PCDH15: variants seen among roughly 807,000 people sequenced by gnomAD.
The protein encoded by PCDH15 is protocadherin related 15, also known as protocadherin-15.
PCDH15 carries 129 observed loss-of-function variants against 178.5 expected under a neutral mutation model. That is an observed-to-expected ratio of 0.72 (90% confidence interval 0.63 to 0.84). PCDH15 has a LOEUF of 0.84. PCDH15 is among the 40% of genes least tolerant of loss of function. The probability of loss-of-function intolerance (pLI) is 0.00; values close to 1 mark genes in which losing one functional copy is unlikely to be tolerated. For synonymous variants in PCDH15, 800 were observed against 732.0 expected (o/e 1.09, Z -1.50); for missense variants, 2,230 against 2,099.9 (o/e 1.06, Z -1.21).
intron 26 of PCDH15, among the ~76,000 whole-genome samples, chr10:53,890,163 C>T (rs1049538008): frequency 5.3e-5 from 8 of 152,356 alleles, no homozygotes; most frequent in African/African-American, 1.9e-4. Flanking sequence ...CACAGTGGCT[C>T]ATGCCTGTAA....
In PCDH15 at chr10:55,040,830, T is replaced by A. The variant is rs990383664; in HGVS notation, c.-80+125746A>T. ...AATTTCTCTATCTAGTTCTATTTTA[T>A]GACTTTTTTCTCATTTCCCTTTCTA... On this transcript the variant is annotated intron_variant, in intron 2 of 5. Transcript: ENST00000458638. 2.0e-5 allele frequency among the ~76,000 whole-genome samples: 3 copies of A among 150,592 alleles called. 1 individual carries two copies.
rs552193259 is a variant in PCDH15 at position 55,291,328 on chromosome 10, T to C, written c.-156+28271A>G. Among the ~76,000 whole-genome samples, 14 of 152,338 alleles carry C rather than the reference T, an allele frequency of 9.2e-5. No homozygotes were observed. In the South Asian group the frequency reaches 1.0e-3, roughly 11 times the overall value. ...CTGGTTTCTCTGCTTTAGAAACACC[T>C]GAATATATGATTGAAGCAAAGGACA... is the stretch of plus-strand genomic sequence containing the variant. On this transcript the variant is annotated intron_variant, in intron 1 of 5. Transcript: ENST00000458638.
intron 3 of PCDH15, among the ~76,000 whole-genome samples, chr10:54,834,194 CT>C (rs1318880018): frequency 5.8e-3 from 831 of 143,628 alleles, no homozygotes; most frequent in African/African-American, 7.7e-3. Flanking sequence ...TTTTTACTAC[CT>C]TTTTTTTTTT....
intron 1 of PCDH15, among the ~76,000 whole-genome samples, chr10:54,729,205 C>T (rs986869603): frequency 6.6e-6 from 1 of 151,638 alleles, no homozygotes; most frequent in Non-Finnish European, 1.5e-5. Context: ...CAGCATGATA[C>T]TGGTACAAAA....
At chr10:54,399,930 A>G (rs1380010520) in intron 3 of PCDH15, among the ~76,000 whole-genome samples, 1 of 152,080 alleles carries the variant, frequency 6.6e-6, no homozygotes, top group Non-Finnish European at 1.5e-5. Context: ...ACAGCAATGC[A>G]CCCTTTCTTT....
chr10:55,281,310 T>C (rs984066594), intron 1 of PCDH15, among the ~76,000 whole-genome samples: 1 of 152,150 alleles, frequency 6.6e-6, no homozygotes, highest in African/African-American at 2.4e-5. Context: ...ATTGCCTCCT[T>C]CATCATTTCA....
At chr10:54,615,653 TGA>T (rs747995069) in intron 2 of PCDH15, among the ~76,000 whole-genome samples, 27 of 151,584 alleles carry the variant, frequency 1.8e-4, no homozygotes, top group Non-Finnish European at 3.5e-4. Flanking sequence ...TTCATTCTAG[TGA>T]GAGAGAAAAA....
At chr10:54,812,616 G>A (rs777829115) in intron 3 of PCDH15, among the ~76,000 whole-genome samples, 9 of 152,008 alleles carry the variant, frequency 5.9e-5, no homozygotes, top group Admixed American at 2.0e-4. Context: ...CCACCACCAT[G>A]CCCAGGTAAT....
intron 2 of PCDH15, among the ~76,000 whole-genome samples, chr10:54,567,720 T>G (rs1442968380): frequency 6.6e-6 from 1 of 152,142 alleles, no homozygotes; most frequent in African/African-American, 2.4e-5. Flanking sequence ...TAAAGAGATT[T>G]TTATAATTTA....
At chr10:54,825,648 G>GT (rs1315968857) in intron 3 of PCDH15, among the ~76,000 whole-genome samples, 2 of 151,342 alleles carry the variant, frequency 1.3e-5, no homozygotes, top group Non-Finnish European at 2.9e-5. Flanking sequence ...TTTTTCATGT[G>GT]TTTTTTGGCT....
chr10:55,001,689 C>T lies in PCDH15; in HGVS notation c.-79-104189G>A, dbSNP rs181565400. On this transcript the variant is annotated intron_variant, in intron 2 of 5. Coordinates refer to the PCDH15 transcript ENST00000458638. ...ACCCCTCACTGATCCCTGCCTGGCT[C>T]ACCCTTGGAAGGTGTGGGATCCAGG... Among the ~76,000 whole-genome samples, 28 of 152,228 alleles carry T rather than the reference C, an allele frequency of 1.8e-4. 1 individual carries two copies. The highest frequency in any genetic ancestry group is 1.8e-3 in the Admixed American group (28 of 15,292).
intron 25 of PCDH15, among the ~76,000 whole-genome samples, chr10:53,906,277 G>A (rs1443963606): frequency 6.6e-6 from 1 of 151,354 alleles, no homozygotes; most frequent in Non-Finnish European, 1.5e-5. Flanking sequence ...GCTTCTCCCT[G>A]ATAACTTTAG....
chr10:55,395,248 T>C (rs574448557), intron 2 of PCDH15, among the ~76,000 whole-genome samples: 23 of 151,288 alleles, frequency 1.5e-4, no homozygotes, highest in African/African-American at 5.6e-4. Flanking sequence ...ACTACGTACG[T>C]TTTAATGTGT....
At chr10:54,667,032 T>C (rs1473880116) in intron 1 of PCDH15, among the ~76,000 whole-genome samples, 2 of 152,000 alleles carry the variant, frequency 1.3e-5, no homozygotes, top group South Asian at 2.1e-4. Context: ...GAGGATTATA[T>C]GCATATTTCT....
rs543785814 is a variant in PCDH15, at chr10:55,354,308, T to C, written c.-155-187657A>G. On this transcript the variant is annotated intron_variant, in intron 2 of 5. Transcript: ENST00000613346. ...TGATATATGTGGAGTGAGAGTCAAATATAAAATGTTTGGTTTGTGTCACAC... is the reference window on the plus strand; with the variant it reads ...TGATATATGTGGAGTGAGAGTCAAACATAAAATGTTTGGTTTGTGTCACAC... Among the ~76,000 whole-genome samples, 6 of 152,192 alleles carry C rather than the reference T, an allele frequency of 3.9e-5. No homozygotes were observed. In the East Asian group the frequency reaches 9.7e-4, roughly 25 times the overall value.
chr10:53,941,161 A>G (rs1185385172), intron 23 of PCDH15, among the ~76,000 whole-genome samples, 186 bp from the exon 24 acceptor site: 1 of 152,272 alleles, frequency 6.6e-6, no homozygotes, highest in Admixed American at 6.5e-5. Context: ...TGATGAACCT[A>G]CATTGACCCA....
chr10:55,443,105 G>A (rs933655230), intron 2 of PCDH15, among the ~76,000 whole-genome samples: 1 of 151,988 alleles, frequency 6.6e-6, no homozygotes, highest in African/African-American at 2.4e-5. Flanking sequence ...AACTGAAACT[G>A]GACCCCTTCC....
intron 2 of PCDH15, among the ~76,000 whole-genome samples, chr10:55,457,491 G>C (rs1036197500): frequency 6.6e-6 from 1 of 151,964 alleles, no homozygotes; most frequent in African/African-American, 2.4e-5. Flanking sequence ...ACAGTTTTTA[G>C]AGAAAAGGCA....
chr10:55,427,312 A>G lies in PCDH15; in HGVS notation c.-156+200313T>C, dbSNP rs73259647. Among the ~76,000 whole-genome samples, 155 of 152,332 alleles carry G rather than the reference A, an allele frequency of 1.0e-3. 1 individual carries two copies. The highest frequency in any genetic ancestry group is 3.5e-3 in the African/African-American group (146 of 41,576). The stretch of plus-strand genomic sequence containing the variant: ...GCAACACTACCATACTAATGTGAAC[A>G]TGTTGGATACAAAGAACACAATGTT... On this transcript the variant is annotated intron_variant, in intron 2 of 5. Transcript: ENST00000613346.
Sources: allele counts gnomAD v4.1 joint callset (sites outside exome capture counted in the v4.1 genomes callset), GRCh38; gene constraint gnomAD v4.1.1; transcripts MANE v1.5; gene names NCBI Gene and HGNC (gene_info 2026-07-23, HGNC 2026-07-21).